The following MAP4K3 variants were observed in gnomAD, a reference collection of about 807,000 sequenced individuals.
The protein encoded by MAP4K3 is MAPK/ERK kinase kinase kinase 3.
MAP4K3 carries 94 observed loss-of-function variants against 143.5 expected under a neutral mutation model. The ratio of observed to expected loss-of-function variants is 0.65; its 90% CI spans 0.55 to 0.78. MAP4K3 has a LOEUF of 0.78. MAP4K3 is among the 30% of genes least tolerant of loss of function. The pLI, the probability that MAP4K3 is intolerant of heterozygous loss-of-function variation, is 0.00. For synonymous variants in MAP4K3, 416 were observed against 347.2 expected (o/e 1.20, Z -2.20); for missense variants, 1,077 against 1,068.1 (o/e 1.01, Z -0.12).
intron 23 of MAP4K3, 64 bp downstream of exon 23, chr2:39,280,208 A>C (rs1681456902): frequency 1.1e-6 from 1 of 919,152 alleles, no homozygotes; most frequent in Non-Finnish European, 1.6e-6. Context: ...CAAAATCACA[A>C]ATGCTTTCAT....
At chr2:39,284,849 GAATA>G (rs1211033439) in intron 21 of MAP4K3, among the ~76,000 whole-genome samples, 3 of 150,610 alleles carry the variant, frequency 2.0e-5, no homozygotes, top group East Asian at 2.0e-4. Flanking sequence ...ATCTCAAAAT[GAATA>G]AATAAATAAA....
intron 8 of MAP4K3, among the ~76,000 whole-genome samples, chr2:39,326,763 T>C (rs1440964065): frequency 3.9e-5 from 6 of 152,108 alleles, no homozygotes; most frequent in African/African-American, 1.4e-4. Flanking sequence ...ATTGGGTCAG[T>C]TTCCCCTATG....
chr2:39,420,328 GGT>G (rs1452067166), intron 1 of MAP4K3, among the ~76,000 whole-genome samples: 1 of 152,126 alleles, frequency 6.6e-6, no homozygotes, highest in Non-Finnish European at 1.5e-5. Flanking sequence ...TTACAGAATA[GGT>G]GTTTTATATT....
In MAP4K3 at chr2:39,282,508, C is replaced by T; in HGVS notation, c.1629+5G>A. Reference sequence around the variant, plus strand: ...AACTTAGCCTACTCCATATTTAGTACTTACATGCACTTTAGGTGTTGGAGG... The same window carrying T: ...AACTTAGCCTACTCCATATTTAGTATTTACATGCACTTTAGGTGTTGGAGG... On this transcript the variant is annotated splice_donor_5th_base_variant and intron_variant, in intron 22 of 33. Coordinates refer to ENST00000263881, the MANE Select transcript of MAP4K3 (RefSeq NM_003618.4). 2 of 1,609,464 alleles carry T rather than the reference C, an allele frequency of 1.2e-6. No individual in the cohort carries two copies. Among genetic ancestry groups the T allele is most frequent in the South Asian group, 1.1e-5 (1 of 90,336 alleles).
chr2:39,325,319 T>C (rs1054746752), intron 12 of MAP4K3, among the ~76,000 whole-genome samples, 199 bp downstream of exon 12: 2 of 152,174 alleles, frequency 1.3e-5, no homozygotes, highest in African/African-American at 4.8e-5. Context: ...TAGTCACCTA[T>C]AAGTAGTCAG....
intron 28 of MAP4K3, among the ~76,000 whole-genome samples, chr2:39,262,667 A>G (rs1055271468): frequency 2.0e-5 from 3 of 152,210 alleles, no homozygotes; most frequent in Non-Finnish European, 4.4e-5. Flanking sequence ...TAATAGTTTT[A>G]AATCCAGTTG....
At chr2:39,403,769 A>C (rs1290988611) in intron 1 of MAP4K3, among the ~76,000 whole-genome samples, 1 of 151,284 alleles carries the variant, frequency 6.6e-6, no homozygotes, top group Non-Finnish European at 1.5e-5. Context: ...CAGCTAAGGG[A>C]GTGCTTGTGC....
rs1339987997 is a variant in MAP4K3 at position 39,307,934 on chromosome 2, G to T, written c.1119+9C>A. On this transcript the variant is annotated intron_variant, in intron 15 of 33. Transcript: ENST00000263881. ...ATGCTGACAAAGAAAATCAGAAGAT[G>T]AGAAATACCAGATTAGATCTTGCAG... 8 of 1,526,984 alleles carry T rather than the reference G, an allele frequency of 5.2e-6. No homozygotes were observed. The highest frequency in any genetic ancestry group is 1.3e-5 in the South Asian group (1 of 76,278). 94.6% of individuals were successfully genotyped at this position (1,526,984 alleles called of 1,614,324 possible).
chr2:39,289,509 A>G (rs995137446), intron 19 of MAP4K3, among the ~76,000 whole-genome samples: 4 of 152,164 alleles, frequency 2.6e-5, no homozygotes, highest in African/African-American at 9.7e-5. Flanking sequence ...AGTTGAAATT[A>G]CTATTTTAGA....
intron 31 of MAP4K3, among the ~76,000 whole-genome samples, chr2:39,255,388 TA>T (rs1680304829): frequency 6.6e-6 from 1 of 152,242 alleles, no homozygotes; most frequent in Non-Finnish European, 1.5e-5. Flanking sequence ...TTTTGGCATG[TA>T]TTCAGGGAGG....
chr2:39,404,031 T>A (rs989864022), intron 1 of MAP4K3, among the ~76,000 whole-genome samples: 3 of 151,856 alleles, frequency 2.0e-5, no homozygotes, highest in African/African-American at 7.3e-5. Flanking sequence ...CAGGATCCAG[T>A]ATCTGCTGAC....
At chr2:39,363,147 C>G (rs1205621608) in intron 2 of MAP4K3, among the ~76,000 whole-genome samples, 2 of 152,292 alleles carry the variant, frequency 1.3e-5, no homozygotes, top group East Asian at 3.9e-4. Flanking sequence ...TAATATTAGT[C>G]TTGGCAATTA....
chr2:39,360,003 T>C (rs1665721333), intron 2 of MAP4K3, among the ~76,000 whole-genome samples: 1 of 152,254 alleles, frequency 6.6e-6, no homozygotes, highest in Non-Finnish European at 1.5e-5. Context: ...ATTTGGCTCC[T>C]TGTTACTTAT....
At chr2:39,269,353 T>C (rs930466300) in intron 26 of MAP4K3, among the ~76,000 whole-genome samples, 2 of 152,050 alleles carry the variant, frequency 1.3e-5, no homozygotes, top group African/African-American at 4.8e-5. Context: ...TAATTTTAGC[T>C]TCATTTACTG....
intron 6 of MAP4K3, among the ~76,000 whole-genome samples, chr2:39,334,463 A>G (rs1193663361): frequency 1.3e-5 from 2 of 152,122 alleles, no homozygotes; most frequent in East Asian, 3.8e-4. Flanking sequence ...AAAGGCTCCT[A>G]AACTCCAAAT....
At position 39,309,489 on chromosome 2, in the gene MAP4K3, C is replaced by T. The variant is rs760984611; in HGVS notation, c.1028G>A (p.Arg343Lys). The change falls in exon 14 of 34, where the codon AGA becomes AAA. Residue 343 changes from arginine to lysine, a missense_variant. Coordinates refer to ENST00000263881, the MANE Select transcript of MAP4K3 (RefSeq NM_003618.4). ...FGQVKFDPPL[R>K]KETEPHHELP... ...TTCATGATGTGGTTCTGTCTCCTTTCTTAAGGGTGGATCAAATTTCACTTG... is the reference window on the plus strand; with the variant it reads ...TTCATGATGTGGTTCTGTCTCCTTTTTTAAGGGTGGATCAAATTTCACTTG... 1 of 1,581,016 alleles carries T rather than the reference C, an allele frequency of 6.3e-7. No homozygotes were observed. Among genetic ancestry groups the T allele is most frequent in the South Asian group, 1.2e-5 (1 of 85,490 alleles).
At chr2:39,431,862 T>C (rs1181176455) in intron 1 of MAP4K3, among the ~76,000 whole-genome samples, 2 of 152,180 alleles carry the variant, frequency 1.3e-5, no homozygotes, top group African/African-American at 4.8e-5. Flanking sequence ...GATTAAGTAA[T>C]TGGCCTAAGG....
At chr2:39,329,246 A>G (rs2148519041) in intron 8 of MAP4K3, among the ~76,000 whole-genome samples, 1 of 152,314 alleles carries the variant, frequency 6.6e-6, no homozygotes, top group East Asian at 1.9e-4. Context: ...TTACAATAAA[A>G]CTGAGAAGAC....
chr2:39,332,946 A>T (rs1473867838), intron 7 of MAP4K3, among the ~76,000 whole-genome samples: 1 of 152,064 alleles, frequency 6.6e-6, no homozygotes, highest in Non-Finnish European at 1.5e-5. Context: ...TTCATTTAAT[A>T]CTAACAAATA....
Sources: allele counts gnomAD v4.1 joint callset (sites outside exome capture counted in the v4.1 genomes callset), GRCh38; gene constraint gnomAD v4.1.1; transcripts MANE v1.5; gene names NCBI Gene and HGNC (gene_info 2026-07-23, HGNC 2026-07-21).